FAF1: variants seen among roughly 807,000 people sequenced by gnomAD.
FAF1 encodes FAS-associated factor 1.
A neutral mutation model predicts 92.5 loss-of-function variants in FAF1; 25 were observed. The ratio of observed to expected loss-of-function variants is 0.27; its 90% CI spans 0.20 to 0.38. The LOEUF is 0.38. FAF1 is among the 10% of genes least tolerant of loss of function. FAF1 has a pLI of 1.00. For missense variants in FAF1, 636 were observed against 793.3 expected, an observed-to-expected ratio of 0.80 and a Z score of 2.38; for synonymous variants, 234 against 273.2, an observed-to-expected ratio of 0.86 and a Z score of 1.42.
At chr1:50,809,427 G>A (rs1276542537) in intron 2 of FAF1, among the ~76,000 whole-genome samples, 4 of 151,748 alleles carry the variant, frequency 2.6e-5, no homozygotes, top group Non-Finnish European at 5.9e-5. Flanking sequence ...AATAACAAAG[G>A]GAACATTACC....
chr1:50,868,882 A>T (rs960107255), intron 1 of FAF1, among the ~76,000 whole-genome samples: 9 of 152,154 alleles, frequency 5.9e-5, no homozygotes, highest in Non-Finnish European at 8.8e-5. Flanking sequence ...TATTGTGTGG[A>T]ATTGCCATTT....
intron 13 of FAF1, among the ~76,000 whole-genome samples, chr1:50,562,314 C>G (rs992197104): frequency 1.3e-5 from 2 of 152,104 alleles, no homozygotes; most frequent in African/African-American, 4.8e-5. Flanking sequence ...TGGATTTGTC[C>G]ATGTTGGCTG....
At chr1:50,751,803 T>C (rs1659880467) in intron 4 of FAF1, among the ~76,000 whole-genome samples, 1 of 152,256 alleles carries the variant, frequency 6.6e-6, no homozygotes, top group South Asian at 2.1e-4. Flanking sequence ...TAAAAATCTC[T>C]ATCTAATTTT....
intron 15 of FAF1, among the ~76,000 whole-genome samples, chr1:50,506,780 G>C (rs1647064168): frequency 6.6e-6 from 1 of 151,926 alleles, no homozygotes; most frequent in Admixed American, 6.6e-5. Flanking sequence ...ACAGATGACA[G>C]AAAAGAGGAA....
intron 1 of FAF1, among the ~76,000 whole-genome samples, chr1:50,893,362 T>A (rs935532446): frequency 1.3e-5 from 2 of 152,186 alleles, no homozygotes; most frequent in African/African-American, 4.8e-5. Context: ...AGAACTTCGG[T>A]GTTGTGATCT....
At chr1:50,786,932 A>T (rs901413497) in intron 4 of FAF1, among the ~76,000 whole-genome samples, 1 of 152,236 alleles carries the variant, frequency 6.6e-6, no homozygotes, top group Non-Finnish European at 1.5e-5. Context: ...ATGAACTGTT[A>T]AGAGTTTAAC....
chr1:50,845,849 G>C (rs907376590), intron 2 of FAF1, among the ~76,000 whole-genome samples: 1 of 152,164 alleles, frequency 6.6e-6, no homozygotes, highest in Non-Finnish European at 1.5e-5. Context: ...GTGGCCAGGC[G>C]TGGTGGCTCA....
intron 1 of FAF1, among the ~76,000 whole-genome samples, chr1:50,957,347 C>CTTTT (rs1188286312): frequency 4.2e-3 from 439 of 103,948 alleles, no homozygotes; most frequent in Middle Eastern, 0.028. Context: ...TTTTCATTTT[C>CTTTT]TTTTTTTTTT....
At chr1:50,608,133 G>C (rs548767290) in intron 8 of FAF1, among the ~76,000 whole-genome samples, 11 of 152,226 alleles carry the variant, frequency 7.2e-5, no homozygotes, top group Non-Finnish European at 1.5e-5. Flanking sequence ...TGCAAATTAA[G>C]GGGTGGTTAT....
intron 7 of FAF1, among the ~76,000 whole-genome samples, chr1:50,698,397 A>G (rs561169960): frequency 6.6e-6 from 1 of 152,288 alleles, no homozygotes; most frequent in Admixed American, 6.5e-5. Flanking sequence ...CCTCTTCTTC[A>G]TGCATGAGGA....
intron 9 of FAF1, among the ~76,000 whole-genome samples, chr1:50,593,425 C>T (rs558471125): frequency 6.6e-6 from 1 of 152,284 alleles, no homozygotes; most frequent in Admixed American, 6.5e-5. Flanking sequence ...GGCTAGTTGG[C>T]CACCTTTTAA....
At chr1:50,770,669 C>G (rs1035230965) in intron 4 of FAF1, among the ~76,000 whole-genome samples, 1 of 152,130 alleles carries the variant, frequency 6.6e-6, no homozygotes, top group Non-Finnish European at 1.5e-5. Flanking sequence ...TGAAAATGGC[C>G]ATACTGCCCA....
intron 2 of FAF1, among the ~76,000 whole-genome samples, chr1:50,831,605 C>T (rs1644153581): frequency 6.6e-6 from 1 of 152,112 alleles, no homozygotes; most frequent in Non-Finnish European, 1.5e-5. Context: ...AAGACCCCTA[C>T]TAATAAGAGT....
chr1:50,683,475 C>T lies in FAF1; in HGVS notation c.657+22311G>A, dbSNP rs371299976. On this transcript the variant is annotated intron_variant, in intron 7 of 18. Transcript: ENST00000396153. ...TCAGGAGGCAGAGGTTGCAGTGAGC[C>T]GAAATCGCGCCACTGCACTCCAGCC... Among the ~76,000 whole-genome samples, 7 of 151,218 alleles carry T rather than the reference C, an allele frequency of 4.6e-5. No homozygotes were observed. In the East Asian group the frequency reaches 7.8e-4, roughly 17 times the overall value.
intron 13 of FAF1, among the ~76,000 whole-genome samples, chr1:50,560,636 C>T (rs1216711369): frequency 6.6e-6 from 1 of 152,216 alleles, no homozygotes; most frequent in East Asian, 1.9e-4. Context: ...ATTTTCATCT[C>T]AGGTACTTAC....
chr1:50,927,613 T>G (rs937021909), intron 1 of FAF1, among the ~76,000 whole-genome samples: 4 of 152,216 alleles, frequency 2.6e-5, no homozygotes, highest in African/African-American at 9.7e-5. Flanking sequence ...AACATATGTG[T>G]AATGTCAGAA....
chr1:50,556,323 G>GGAA (rs1286136800), intron 13 of FAF1, among the ~76,000 whole-genome samples: 9 of 151,860 alleles, frequency 5.9e-5, no homozygotes, highest in Non-Finnish European at 1.0e-4. Context: ...ACTTAGAAGT[G>GGAA]GAAGCTAACT....
chr1:50,812,221 G>C (rs972918650), intron 2 of FAF1, among the ~76,000 whole-genome samples: 4 of 152,062 alleles, frequency 2.6e-5, no homozygotes, highest in African/African-American at 9.7e-5. Context: ...ATTTAAACTA[G>C]AGAGCTTCTG....
chr1:50,568,170 A>G (rs1650257144), intron 12 of FAF1, among the ~76,000 whole-genome samples: 1 of 152,152 alleles, frequency 6.6e-6, no homozygotes, highest in South Asian at 2.1e-4. Context: ...AGAAGAGCTG[A>G]GTTTAACAAT....
Sources: allele counts gnomAD v4.1 joint callset (sites outside exome capture counted in the v4.1 genomes callset), GRCh38; gene constraint gnomAD v4.1.1; transcripts MANE v1.5; gene names NCBI Gene and HGNC (gene_info 2026-07-23, HGNC 2026-07-21).